Variants in NAV3 observed in about 807,000 individuals in gnomAD.
The protein encoded by NAV3 is neuron navigator 3.
Under a neutral mutation model 244.7 loss-of-function variants are expected in NAV3, and 87 were observed. The observed-to-expected ratio is 0.36, with a 90% confidence interval of 0.30 to 0.42. The LOEUF is 0.42. NAV3 is among the 20% of genes least tolerant of loss of function. The pLI, the probability that NAV3 is intolerant of heterozygous loss-of-function variation, is 1.00. For missense variants in NAV3, 2,663 were observed against 2,893.3 expected, an observed-to-expected ratio of 0.92 and a Z score of 1.83; for synonymous variants, 1,126 against 1,042.2, an observed-to-expected ratio of 1.08 and a Z score of -1.55.
intron 1 of NAV3, among the ~76,000 whole-genome samples, chr12:77,875,068 G>C (rs560371719): frequency 6.6e-6 from 1 of 152,072 alleles, no homozygotes; most frequent in Non-Finnish European, 1.5e-5. Context: ...GCTATGAGTA[G>C]AAGCCAAATG....
At chr12:77,808,255 G>T (rs9669262) in intron 2 of NAV3, among the ~76,000 whole-genome samples, 1 of 152,142 alleles carries the variant, frequency 6.6e-6, no homozygotes, top group Non-Finnish European at 1.5e-5. Flanking sequence ...GAGAAGAAGC[G>T]TTCTGGTTTT....
At chr12:78,049,565 T>C (rs1882419798) in intron 9 of NAV3, among the ~76,000 whole-genome samples, 1 of 152,188 alleles carries the variant, frequency 6.6e-6, no homozygotes, top group Non-Finnish European at 1.5e-5. Context: ...CACTGTGAGA[T>C]GAGCCTGGTA....
At chr12:77,829,651 A>G (rs1873386763), upstream of NAV3, among the ~76,000 whole-genome samples, 1 of 152,086 alleles carries the variant, frequency 6.6e-6, no homozygotes, top group South Asian at 2.1e-4. Flanking sequence ...CTAGTGTTGT[A>G]TTTGTTTTGT....
chr12:77,736,974 T>C (rs1376322230), intron 2 of NAV3, among the ~76,000 whole-genome samples: 1 of 152,128 alleles, frequency 6.6e-6, no homozygotes, highest in Non-Finnish European at 1.5e-5. Context: ...GATTTGAGCC[T>C]AAATCTAGGT....
At chr12:78,135,355 A>G (rs1024850528) in intron 18 of NAV3, among the ~76,000 whole-genome samples, 2 of 152,338 alleles carry the variant, frequency 1.3e-5, no homozygotes, top group South Asian at 2.1e-4. Flanking sequence ...GTAATTTCCA[A>G]TGCAGAAGCT....
At chr12:77,719,473 T>G (rs1038741810) in intron 2 of NAV3, among the ~76,000 whole-genome samples, 1 of 152,024 alleles carries the variant, frequency 6.6e-6, no homozygotes, top group African/African-American at 2.4e-5. Context: ...TATTTTGAGG[T>G]AATTATCTTA....
intron 5 of NAV3, among the ~76,000 whole-genome samples, chr12:77,978,447 T>G (rs1251637103): frequency 1.3e-5 from 2 of 152,162 alleles, no homozygotes; most frequent in Non-Finnish European, 2.9e-5. Flanking sequence ...ATGAGCCACT[T>G]TCTTCTCAAA....
intron 12 of NAV3, among the ~76,000 whole-genome samples, chr12:78,083,565 A>G (rs1331684076): frequency 1.3e-5 from 2 of 152,140 alleles, no homozygotes; most frequent in Non-Finnish European, 2.9e-5. Context: ...ACTGACCCAT[A>G]GCCTCACTTC....
intron 28 of NAV3, among the ~76,000 whole-genome samples, chr12:78,178,687 G>A (rs930100763): frequency 6.6e-6 from 1 of 151,942 alleles, no homozygotes; most frequent in Non-Finnish European, 1.5e-5. Flanking sequence ...TATAGAACAG[G>A]GCCACTGTGC....
rs192471419 is a variant in NAV3, at chr12:77,893,594, A to T, written c.244-46725A>T. Among the ~76,000 whole-genome samples, 1,050 of 152,214 alleles carry T rather than the reference A, an allele frequency of 6.9e-3. 13 individuals carry two copies. The highest frequency in any genetic ancestry group is 0.024 in the African/African-American group (999 of 41,562). On this transcript the variant is annotated intron_variant, in intron 1 of 39. Transcript: ENST00000397909. ...AAAACTCAGATAGCCAAACTAAAAA[A>T]AAAAAAGAAAACTTGGGGGGATTGT...
chr12:77,998,226 T>A, intron 6 of NAV3, 111 bp from the exon 7 acceptor site: 1 of 730,438 alleles, frequency 1.4e-6, no homozygotes, highest in Non-Finnish European at 2.0e-6. Context: ...CATTTTCTGC[T>A]AAATAGATTT....
At chr12:78,178,278 A>G (rs112351838) in intron 28 of NAV3, among the ~76,000 whole-genome samples, 10,187 of 150,838 alleles carry the variant, frequency 0.068, 676 homozygotes, top group African/African-American at 0.17. Flanking sequence ...TCCTGTCTCA[A>G]CCTCCTGAGT....
intron 2 of NAV3, 73 bp downstream of exon 2, chr12:77,940,509 A>C: frequency 8.5e-7 from 1 of 1,178,854 alleles, no homozygotes; most frequent in South Asian, 1.4e-5. Context: ...AACTTAAGTT[A>C]AGCGCCTTAC....
intron 1 of NAV3, among the ~76,000 whole-genome samples, chr12:77,854,663 T>C (rs756599085): frequency 7.2e-5 from 11 of 152,180 alleles, no homozygotes; most frequent in Admixed American, 2.0e-4. Context: ...TTGTGGCACT[T>C]ATCCTAGAAA....
chr12:77,854,435 C>T (rs748507596), intron 1 of NAV3, among the ~76,000 whole-genome samples: 1 of 152,072 alleles, frequency 6.6e-6, no homozygotes, highest in Non-Finnish European at 1.5e-5. Flanking sequence ...AGTTAATTTA[C>T]GAATGTACAA....
chr12:77,743,758 C>A (rs1868395621), intron 2 of NAV3, among the ~76,000 whole-genome samples: 1 of 151,716 alleles, frequency 6.6e-6, no homozygotes, highest in African/African-American at 2.4e-5. Flanking sequence ...TATTAATAAG[C>A]TTTCATATCT....
chr12:77,654,135 C>T (rs1266082213), intron 2 of NAV3, among the ~76,000 whole-genome samples: 3 of 152,138 alleles, frequency 2.0e-5, no homozygotes, highest in Non-Finnish European at 4.4e-5. Context: ...CGTGCGTGAG[C>T]CGAAGCAGGG....
At chr12:77,577,650 A>G (rs2136663744) in intron 2 of NAV3, among the ~76,000 whole-genome samples, 1 of 152,294 alleles carries the variant, frequency 6.6e-6, no homozygotes, top group East Asian at 1.9e-4. Flanking sequence ...ATATATTTTG[A>G]ACATTTTGAA....
chr12:77,725,543 T>C (rs10859279), intron 2 of NAV3, among the ~76,000 whole-genome samples: 97,412 of 151,346 alleles, frequency 0.64, 35,107 homozygotes, highest in East Asian at 0.88. Flanking sequence ...TTAAGCCCAA[T>C]GCTGCAAACT....
Sources: gnomAD v4.1 joint callset for allele counts (sites outside exome capture counted in the v4.1 genomes callset) on GRCh38, gnomAD v4.1.1 for gene constraint, MANE v1.5 for transcripts, NCBI Gene and HGNC (gene_info 2026-07-23, HGNC 2026-07-21) for gene names.